The following SLC25A36 variants were observed in gnomAD, a reference collection of about 807,000 sequenced individuals.
The protein encoded by SLC25A36 is solute carrier family 25 member 36.
A neutral mutation model predicts 35.3 loss-of-function variants in SLC25A36; 24 were observed. The observed-to-expected ratio is 0.68, with a 90% CI of 0.49 to 0.96. The LOEUF is 0.96. Ranked by LOEUF, SLC25A36 falls within the 40% of genes least tolerant of loss-of-function variation. SLC25A36 has a pLI of 0.00. For missense variants in SLC25A36, 294 were observed against 381.1 expected (o/e 0.77, Z 1.90); for synonymous variants, 141 against 132.2 (o/e 1.07, Z -0.46).
rs1460869472 is a variant in SLC25A36, at chr3:140,963,152, A to G, written c.310A>G (p.Asn104Asp). ...AGCAATATACTTTGCTGCTTATTCA[A>G]ACTGCAAGGAAAAGTTGAATGATGT... ...SRAIYFAAYS[N>D]CKEKLNDVFD... Residue 104 changes from asparagine to aspartate, a missense_variant, in exon 4 of 7, where the codon AAC (asparagine) becomes GAC (aspartate). Around this residue, in one of 2 missense-constraint regions of SLC25A36, gnomAD observed 185 missense variants for 201.5 expected, o/e 0.92. Transcript: ENST00000324194. 1.9e-6 allele frequency: 3 copies of G among 1,589,736 alleles called. No homozygotes were observed. Among genetic ancestry groups the G allele is most frequent in the Non-Finnish European group, 2.6e-6 (3 of 1,173,946 alleles).
At chr3:140,968,371 A>T in intron 4 of SLC25A36, 1 of 862,672 alleles carries the variant, frequency 1.2e-6, no homozygotes, top group Non-Finnish European at 1.4e-6. Flanking sequence ...GCTAGCTCTC[A>T]TTGGGAGAGT....
In SLC25A36 at chr3:140,979,659, T is replaced by G. The variant is rs1935139507; in HGVS notation, c.*3206T>G. ...TTCCCATTAACCTACACACTGATTT[T>G]TATGCTACTCCTTGTAGAAACAAAA... On this transcript the variant is annotated 3_prime_UTR_variant, in exon 7 of 7. Transcript: ENST00000324194. 1 of 152,218 alleles carries G rather than the reference T, an allele frequency of 6.6e-6. No individual in the cohort carries two copies. The highest frequency in any genetic ancestry group is 1.5e-5 in the Non-Finnish European group (1 of 68,022). The allele number at this position is 152,218 out of a possible 1,614,324, so 9.4% of individuals were successfully genotyped here.
chr3:140,955,219 A>G (rs904611569), intron 1 of SLC25A36, among the ~76,000 whole-genome samples: 17 of 152,184 alleles, frequency 1.1e-4, no homozygotes, highest in East Asian at 3.9e-4. Context: ...AGTGATATTA[A>G]CATTGCCATG....
chr3:140,941,881 T>G lies in SLC25A36; in HGVS notation c.-174T>G. On this transcript the variant is annotated 5_prime_UTR_variant, in exon 1 of 7. Transcript: ENST00000324194. ...GCGCTTAGGCAGGCGGTGGCGCGGC[T>G]GGAGTGCCGCGGGGAGGGCTGTGCC... 1 of 500,266 alleles carries G rather than the reference T, an allele frequency of 2.0e-6. No individual in the cohort carries two copies. Among genetic ancestry groups the G allele is most frequent in the East Asian group, 3.6e-5 (1 of 27,472 alleles). The allele number at this position is 500,266 out of a possible 1,614,324, so 31.0% of individuals were successfully genotyped here. A position where few individuals can be genotyped will look rare whatever the true frequency, so the allele number is the denominator to read the frequency against.
At position 140,968,049 on chromosome 3, in the gene SLC25A36, TG is replaced by T. The variant is rs1288896146; in HGVS notation, c.386-2875del. ...TTGTGTGTGTTTGTCATATAAGTAG[TG>T]GGAAGATATGTTTAGCTTGGGCTAA... is the stretch of plus-strand genomic sequence containing the variant. On this transcript the variant is annotated intron_variant, in intron 4 of 6. Coordinates refer to ENST00000324194, the MANE Select transcript of SLC25A36 (RefSeq NM_001104647.3). The T allele has an allele frequency of 1.0e-5, 10 of 984,632 alleles. No individual in the cohort carries two copies. The East Asian group carries it at 3.4e-4, about 33-fold the overall frequency. The allele number at this position is 984,632 out of a possible 1,614,324, so 61.0% of individuals were successfully genotyped here.
Position 140,980,679 on chromosome 3 carries a change from T to A in SLC25A36, c.*4226T>A, listed in dbSNP as rs916355266. 7.3e-6 allele frequency among the ~76,000 whole-genome samples: 1 copy of A among 136,518 alleles called. No homozygotes were observed. Among genetic ancestry groups the A allele is most frequent in the Non-Finnish European group, 1.5e-5 (1 of 65,596 alleles). The allele number at this position is 136,518 out of a possible 152,430, so 89.6% of individuals were successfully genotyped here. On this transcript the variant is annotated 3_prime_UTR_variant, in exon 7 of 7. Coordinates refer to ENST00000324194, the MANE Select transcript of SLC25A36 (RefSeq NM_001104647.3). ...TAAAACTCAGGCAAGCAAAATGTAA[T>A]TAAATGTTCCCCCTGCCCCCCCCCC...
chr3:140,960,492 T>C (rs1411428393), intron 3 of SLC25A36, among the ~76,000 whole-genome samples: 1 of 152,052 alleles, frequency 6.6e-6, no homozygotes, highest in African/African-American at 2.4e-5. Context: ...AGATAGAAAA[T>C]AGAACCAAAG....
At position 140,974,005 on chromosome 3, in the gene SLC25A36, G is replaced by A; in HGVS notation, c.742G>A (p.Glu248Lys). The stretch of plus-strand genomic sequence containing the variant: ...TGCCACAACTATAGCATATCCACAT[G>A]GTAAGAAGAGTTATCTATTAAATCA... ...TCATTIAYPH[E>K]VVRTRLREEG... Residue 248 changes from glutamate (E) to lysine (K), a missense_variant and splice_region_variant, in exon 6 of 7, where the codon GAA becomes AAA. Around this residue, in one of 2 missense-constraint regions of SLC25A36, gnomAD observed 109 missense variants for 179.7 expected, o/e 0.61. Coordinates refer to ENST00000324194, the MANE Select transcript of SLC25A36 (RefSeq NM_001104647.3). The A allele has an allele frequency of 6.6e-7, 1 of 1,510,674 alleles. No individual in the cohort carries two copies. The highest frequency in any genetic ancestry group is 1.4e-5 in the South Asian group (1 of 73,490). The allele number at this position is 1,510,674 out of a possible 1,614,324, so 93.6% of individuals were successfully genotyped here. A position where few individuals can be genotyped will look rare whatever the true frequency, so the allele number is the denominator to read the frequency against.
intron 3 of SLC25A36, 31 bp downstream of exon 3, chr3:140,959,571 G>C: frequency 8.9e-7 from 1 of 1,125,378 alleles, no homozygotes; most frequent in Non-Finnish European, 1.2e-6. Flanking sequence ...TTTAAAGCAA[G>C]TTATGGCAAT....
intron 1 of SLC25A36, among the ~76,000 whole-genome samples, chr3:140,943,732 C>T (rs1298328605): frequency 2.0e-5 from 3 of 152,166 alleles, no homozygotes; most frequent in Admixed American, 2.0e-4. Context: ...TCTCTAGCTC[C>T]TAACATTTCT....
chr3:140,974,267 G>A (rs1934980531), intron 6 of SLC25A36, among the ~76,000 whole-genome samples: 1 of 151,520 alleles, frequency 6.6e-6, no homozygotes, highest in Admixed American at 6.6e-5. Flanking sequence ...GTGACTTTTG[G>A]GCAAGTTTCT....
chr3:140,950,737 A>C (rs1934296113), intron 1 of SLC25A36, among the ~76,000 whole-genome samples: 1 of 152,096 alleles, frequency 6.6e-6, no homozygotes, highest in Non-Finnish European at 1.5e-5. Context: ...TCTTTCTGGA[A>C]GTTGAAGTCC....
intron 1 of SLC25A36, among the ~76,000 whole-genome samples, chr3:140,943,161 C>CT (rs1934065536): frequency 6.6e-6 from 1 of 152,138 alleles, no homozygotes; most frequent in African/African-American, 2.4e-5. Flanking sequence ...AAAGAGTTTT[C>CT]TTATCAAAAA....
At position 140,976,300 on chromosome 3, in the gene SLC25A36, C is replaced by T. The variant is rs761237634; in HGVS notation, c.783C>T (p.Tyr261=). The change falls in exon 7 of 7, where the codon TAC becomes TAT. Residue 261 remains tyrosine, a synonymous_variant. Transcript: ENST00000324194. ...RTRLREEGTK[Y]RSFFQTLSLL... is the part of the protein sequence containing the mutation. ...GACTACGTGAAGAGGGAACAAAATA[C>T]AGATCTTTTTTTCAGACTCTATCTT... 27 of 1,611,882 alleles carry T rather than the reference C, an allele frequency of 1.7e-5. No individual in the cohort carries two copies. The highest frequency in any genetic ancestry group is 1.8e-5 in the Non-Finnish European group (21 of 1,179,220).
intron 1 of SLC25A36, among the ~76,000 whole-genome samples, chr3:140,955,670 TATTA>T (rs1443519357): frequency 6.6e-6 from 1 of 152,006 alleles, no homozygotes; most frequent in Non-Finnish European, 1.5e-5. Context: ...GCCTGACAGG[TATTA>T]ATTGTGAGAC....
chr3:140,949,510 C>A (rs922263890), intron 1 of SLC25A36, among the ~76,000 whole-genome samples: 2 of 152,174 alleles, frequency 1.3e-5, no homozygotes, highest in Non-Finnish European at 2.9e-5. Flanking sequence ...ACCAAGCGAT[C>A]TTGGCCTTCT....
In SLC25A36 at chr3:140,941,853, G is replaced by A; in HGVS notation, c.-202G>A. The A allele has an allele frequency of 2.0e-6, 1 of 504,798 alleles. No homozygotes were observed. The highest frequency in any genetic ancestry group is 3.5e-6 in the Non-Finnish European group (1 of 281,838). The allele number at this position is 504,798 out of a possible 1,614,324, so 31.3% of individuals were successfully genotyped here. ...TCGCTTTCAGCCTCTGGTGAAGGGC[G>A]GCGCGCTTAGGCAGGCGGTGGCGCG... On this transcript the variant is annotated 5_prime_UTR_variant, in exon 1 of 7. Coordinates refer to ENST00000324194, the MANE Select transcript of SLC25A36 (RefSeq NM_001104647.3).
At chr3:140,966,260 C>T (rs1385019576) in intron 4 of SLC25A36, 1 of 197,826 alleles carries the variant, frequency 5.1e-6, no homozygotes, top group South Asian at 7.3e-5. Flanking sequence ...TTTTATTTGT[C>T]CATGGCAGTT....
intron 1 of SLC25A36, among the ~76,000 whole-genome samples, chr3:140,943,189 G>A (rs1934066441): frequency 1.3e-5 from 2 of 152,198 alleles, no homozygotes; most frequent in African/African-American, 4.8e-5. Context: ...GGTGAATTAT[G>A]CTGAGACTCT....
Sources: allele counts gnomAD v4.1 joint callset (sites outside exome capture counted in the v4.1 genomes callset), GRCh38; gene constraint gnomAD v4.1.1; regional missense constraint gnomAD v4.1.1; transcripts MANE v1.5; gene names NCBI Gene and HGNC (gene_info 2026-07-23, HGNC 2026-07-21).